GABRB1: variants seen among roughly 807,000 people sequenced by gnomAD.
GABRB1 encodes gamma-aminobutyric acid receptor subunit beta-1.
In GABRB1, 17 loss-of-function variants were observed where a neutral mutation model predicts 51.6. That is an observed-to-expected ratio of 0.33 (90% CI 0.23 to 0.49). The LOEUF (loss-of-function observed/expected upper bound fraction) is 0.49. Among genes scored for constraint, GABRB1 ranks in the 20% least tolerant of loss-of-function variants. GABRB1 has a pLI of 0.99. For synonymous variants in GABRB1, 247 were observed against 218.9 expected, an observed-to-expected ratio of 1.13 and a Z score of -1.14; for missense variants, 410 against 600.6, an observed-to-expected ratio of 0.68 and a Z score of 3.32.
chr4:47,333,245 G>A (rs917735487), intron 5 of GABRB1, among the ~76,000 whole-genome samples: 38 of 131,096 alleles, frequency 2.9e-4, no homozygotes, highest in Admixed American at 9.5e-4. Flanking sequence ...TACACACCAC[G>A]TATTAATATG....
intron 3 of GABRB1, among the ~76,000 whole-genome samples, chr4:47,070,108 T>A (rs1177657616): frequency 6.6e-6 from 1 of 152,058 alleles, no homozygotes; most frequent in Non-Finnish European, 1.5e-5. Flanking sequence ...TGATCTCGGC[T>A]CACTGCAACC....
At chr4:47,387,386 C>A (rs1050884952) in intron 5 of GABRB1, among the ~76,000 whole-genome samples, 1 of 152,108 alleles carries the variant, frequency 6.6e-6, no homozygotes, top group Non-Finnish European at 1.5e-5. Context: ...GCAGGAGAAT[C>A]ACTTGAACCT....
intron 3 of GABRB1, among the ~76,000 whole-genome samples, chr4:47,125,559 C>CTTTTTTTTTTTTTTTTTTTTTTTTT (rs71195605): frequency 3.7e-5 from 3 of 80,716 alleles, no homozygotes; most frequent in Non-Finnish European, 4.9e-5. Flanking sequence ...AGTATAATTT[C>CTTTTTTTTTTTTTTTTTTTTTTTTT]TTTTTTTTTT....
At position 47,051,254 on chromosome 4, in the gene GABRB1, T is replaced by C. The variant is rs143343393; in HGVS notation, c.240+18770T>C. 5.7e-3 allele frequency among the ~76,000 whole-genome samples: 866 copies of C among 152,302 alleles called. 17 individuals are homozygous for C. The highest frequency in any genetic ancestry group is 0.019 in the African/African-American group (788 of 41,548). On this transcript the variant is annotated intron_variant, in intron 3 of 8. Coordinates refer to ENST00000295454, the MANE Select transcript of GABRB1 (RefSeq NM_000812.4). Reference sequence around the variant, plus strand: ...GCCCTTTGTTTCAGGGAAATGTTAATGAGCCTTTGGGAATGCAAAATTATG... The same window carrying C: ...GCCCTTTGTTTCAGGGAAATGTTAACGAGCCTTTGGGAATGCAAAATTATG...
intron 5 of GABRB1, among the ~76,000 whole-genome samples, chr4:47,378,659 T>A (rs568982154): frequency 2.0e-5 from 3 of 152,312 alleles, no homozygotes; most frequent in African/African-American, 7.2e-5. Flanking sequence ...TAATTTTTTG[T>A]ATTTTCAGTA....
At chr4:47,151,571 A>T (rs1296046676) in intron 3 of GABRB1, among the ~76,000 whole-genome samples, 1 of 151,982 alleles carries the variant, frequency 6.6e-6, no homozygotes, top group Non-Finnish European at 1.5e-5. Context: ...GTCATAGTCC[A>T]CCTAAGGATA....
chr4:47,262,962 A>G (rs1409801356), intron 4 of GABRB1, among the ~76,000 whole-genome samples: 4 of 145,814 alleles, frequency 2.7e-5, no homozygotes, highest in African/African-American at 1.0e-4. Context: ...CAAACACCGC[A>G]TGTTCTCACT....
chr4:47,038,601 A>G (rs1022333822), intron 3 of GABRB1, among the ~76,000 whole-genome samples: 6 of 152,206 alleles, frequency 3.9e-5, no homozygotes, highest in Non-Finnish European at 5.9e-5. Context: ...TCCTTCCATG[A>G]GGTGACTGAG....
At chr4:47,291,920 G>A (rs1301168884) in intron 4 of GABRB1, among the ~76,000 whole-genome samples, 1 of 152,158 alleles carries the variant, frequency 6.6e-6, no homozygotes, top group Admixed American at 6.5e-5. Flanking sequence ...TTTAGACTGT[G>A]GACTTTTGAG....
intron 4 of GABRB1, among the ~76,000 whole-genome samples, chr4:47,280,643 AT>A (rs532198481): frequency 7.3e-5 from 11 of 150,234 alleles, no homozygotes; most frequent in Admixed American, 1.3e-4. Context: ...ACACTATTTT[AT>A]TTTTTTTTAT....
At chr4:47,273,846 A>C (rs1722965745) in intron 4 of GABRB1, among the ~76,000 whole-genome samples, 1 of 136,606 alleles carries the variant, frequency 7.3e-6, no homozygotes, top group Non-Finnish European at 1.6e-5. Context: ...ATCTGTTTGA[A>C]AGTAAACCAT....
At chr4:47,067,214 C>T (rs1038886124) in intron 3 of GABRB1, among the ~76,000 whole-genome samples, 3 of 152,130 alleles carry the variant, frequency 2.0e-5, no homozygotes, top group African/African-American at 7.2e-5. Flanking sequence ...GTCATCTTGG[C>T]TTTGTTATTT....
intron 3 of GABRB1, among the ~76,000 whole-genome samples, chr4:47,149,501 A>G (rs1198764054): frequency 6.6e-6 from 1 of 152,028 alleles, no homozygotes; most frequent in Non-Finnish European, 1.5e-5. Context: ...ATAAGCAATG[A>G]GTCTTTAAAT....
In GABRB1 at chr4:47,300,951, T is replaced by G. The variant is rs60451058; in HGVS notation, c.462-19176T>G. ...TCACCCAAAGAGTATGGAAATCTTA[T>G]CTCTATAACCTGTTAGCCATTTGTA... On this transcript the variant is annotated intron_variant, in intron 4 of 8. Coordinates refer to ENST00000295454, the MANE Select transcript of GABRB1 (RefSeq NM_000812.4). Among the ~76,000 whole-genome samples the G allele has an allele frequency of 7.2e-3, 1,092 of 152,302 alleles. 12 individuals are homozygous for G. Among genetic ancestry groups the G allele is most frequent in the African/African-American group, 0.025 (1,046 of 41,576 alleles).
chr4:47,294,424 A>G (rs1168263746), intron 4 of GABRB1, among the ~76,000 whole-genome samples: 1 of 152,238 alleles, frequency 6.6e-6, no homozygotes. Flanking sequence ...TTTTGCCGAC[A>G]GGCTTAAAAA....
upstream of GABRB1, among the ~76,000 whole-genome samples, chr4:47,027,061 T>C (rs1424605562): frequency 6.6e-6 from 1 of 151,710 alleles, no homozygotes; most frequent in East Asian, 1.9e-4. Context: ...ATAGTGCTGA[T>C]AAATAATAAG....
intron 4 of GABRB1, among the ~76,000 whole-genome samples, chr4:47,268,321 T>A (rs1411725406): frequency 1.3e-5 from 2 of 152,216 alleles, no homozygotes; most frequent in East Asian, 3.8e-4. Flanking sequence ...GAAAATTGGC[T>A]GTTAGGATAC....
At chr4:47,411,111 C>T (rs1431760642) in intron 8 of GABRB1, among the ~76,000 whole-genome samples, 1 of 152,094 alleles carries the variant, frequency 6.6e-6, no homozygotes, top group East Asian at 1.9e-4. Flanking sequence ...TGACCATCAT[C>T]AAGAGAAAAA....
intron 3 of GABRB1, among the ~76,000 whole-genome samples, chr4:47,084,737 G>T (rs949183357): frequency 6.6e-6 from 1 of 152,230 alleles, no homozygotes; most frequent in African/African-American, 2.4e-5. Flanking sequence ...CAAGTTATTT[G>T]TAAGTCATAA....
Sources: gnomAD v4.1 joint callset for allele counts (sites outside exome capture counted in the v4.1 genomes callset) on GRCh38, gnomAD v4.1.1 for gene constraint, MANE v1.5 for transcripts, NCBI Gene and HGNC (gene_info 2026-07-23, HGNC 2026-07-21) for gene names.